The following PAG1 variants were observed in gnomAD, a reference collection of about 807,000 sequenced individuals.
PAG1 encodes the protein phosphoprotein membrane anchor with glycosphingolipid microdomains 1.
Under a neutral mutation model 31.7 loss-of-function variants are expected in PAG1, and 23 were observed. That is an observed-to-expected ratio of 0.73 (90% CI 0.52 to 1.03). PAG1 has a LOEUF of 1.03. PAG1 is among the 50% of genes least tolerant of loss of function. The pLI is 0.00. For synonymous variants in PAG1, 214 were observed against 210.3 expected (o/e 1.02, Z -0.15); for missense variants, 473 against 540.7 (o/e 0.87, Z 1.24).
intron 1 of PAG1, among the ~76,000 whole-genome samples, chr8:81,080,051 T>C (rs1809240872): frequency 6.6e-6 from 1 of 152,152 alleles, no homozygotes; most frequent in Non-Finnish European, 1.5e-5. Flanking sequence ...ATTACAGGCA[T>C]GAGCCACTGC....
intron 3 of PAG1, among the ~76,000 whole-genome samples, chr8:80,997,064 G>A (rs955723088): frequency 6.7e-6 from 1 of 149,928 alleles, no homozygotes; most frequent in Non-Finnish European, 1.5e-5. Flanking sequence ...ACATGGTTAT[G>A]GTCCACAAGG....
chr8:81,001,022 C>T (rs999845855), intron 3 of PAG1, among the ~76,000 whole-genome samples: 1 of 152,206 alleles, frequency 6.6e-6, no homozygotes, highest in Non-Finnish European at 1.5e-5. Context: ...GAAAAAGGAG[C>T]CTTAAACATT....
At chr8:80,986,171 G>C (rs899295685) in intron 6 of PAG1, among the ~76,000 whole-genome samples, 8 of 152,154 alleles carry the variant, frequency 5.3e-5, no homozygotes, top group African/African-American at 1.9e-4. Context: ...CTCACTCTGG[G>C]GGAATTAGAA....
At chr8:81,052,390 G>A (rs757961187) in intron 2 of PAG1, among the ~76,000 whole-genome samples, 38 of 147,514 alleles carry the variant, frequency 2.6e-4, no homozygotes, top group Non-Finnish European at 7.4e-5. Context: ...ACCACTGCAT[G>A]AGGCTAGTTG....
At chr8:81,044,457 T>C (rs1472442409) in intron 2 of PAG1, among the ~76,000 whole-genome samples, 1 of 152,198 alleles carries the variant, frequency 6.6e-6, no homozygotes, top group Non-Finnish European at 1.5e-5. Context: ...AAGGAATGCC[T>C]GAGGCTACCA....
chr8:81,071,290 A>G (rs897651519), intron 1 of PAG1, among the ~76,000 whole-genome samples: 1 of 152,186 alleles, frequency 6.6e-6, no homozygotes, highest in Non-Finnish European at 1.5e-5. Context: ...CCAAGAGAAA[A>G]GTGCAGTAGA....
At chr8:81,002,087 C>G (rs1807795695) in intron 3 of PAG1, among the ~76,000 whole-genome samples, 1 of 152,194 alleles carries the variant, frequency 6.6e-6, no homozygotes, top group African/African-American at 2.4e-5. Flanking sequence ...ACCAGCTTTG[C>G]TGTGATGGAT....
chr8:81,023,282 GAAATTTTTGAAATGAC>G (rs905012109), intron 3 of PAG1, among the ~76,000 whole-genome samples: 9 of 151,960 alleles, frequency 5.9e-5, no homozygotes, highest in African/African-American at 1.7e-4. Context: ...ACTTGTTTTT[GAAATTTTTGAAATGAC>G]AAATTTTTGA....
chr8:80,979,993 T>A (rs761511754), intron 8 of PAG1, among the ~76,000 whole-genome samples: 2 of 152,202 alleles, frequency 1.3e-5, no homozygotes, highest in Non-Finnish European at 2.9e-5. Flanking sequence ...GCTCTCAGCA[T>A]CCAAATTTCC....
chr8:80,998,893 A>G (rs1807735056), intron 3 of PAG1, among the ~76,000 whole-genome samples: 1 of 152,184 alleles, frequency 6.6e-6, no homozygotes, highest in Non-Finnish European at 1.5e-5. Context: ...TGGATGAAAT[A>G]TGGTCAAGGG....
intron 2 of PAG1, among the ~76,000 whole-genome samples, chr8:81,064,061 AT>A (rs1050011047): frequency 1.3e-5 from 2 of 152,204 alleles, no homozygotes; most frequent in Non-Finnish European, 2.9e-5. Flanking sequence ...AGAAGTCAAC[AT>A]GGTAGATTAG....
chr8:81,057,695 C>T (rs1808850203), intron 2 of PAG1, among the ~76,000 whole-genome samples: 2 of 152,046 alleles, frequency 1.3e-5, no homozygotes, highest in African/African-American at 4.8e-5. Flanking sequence ...TGCACATGTA[C>T]CCTAGGACTT....
At chr8:80,991,312 C>T (rs1469159064) in intron 5 of PAG1, among the ~76,000 whole-genome samples, 167 bp downstream of exon 5, 1 of 152,162 alleles carries the variant, frequency 6.6e-6, no homozygotes, top group Non-Finnish European at 1.5e-5. Context: ...AAGGATCATT[C>T]CGGCAGCAGC....
intron 2 of PAG1, among the ~76,000 whole-genome samples, chr8:81,041,964 C>A (rs77329642): frequency 0.022 from 3,275 of 152,252 alleles, 61 homozygotes; most frequent in South Asian, 0.1. Context: ...TGTTGGTGGT[C>A]CCCCAAAGGG....
intron 3 of PAG1, among the ~76,000 whole-genome samples, chr8:81,003,626 C>G (rs1029653035): frequency 6.6e-6 from 1 of 152,124 alleles, no homozygotes; most frequent in African/African-American, 2.4e-5. Flanking sequence ...TGGCCTGAAG[C>G]GAGTCCAAGC....
intron 7 of PAG1, among the ~76,000 whole-genome samples, chr8:80,982,882 T>A (rs1447018018): frequency 6.6e-6 from 1 of 152,228 alleles, no homozygotes; most frequent in Non-Finnish European, 1.5e-5. Flanking sequence ...GCCTCTTCCC[T>A]GATCCAGGCC....
At chr8:81,020,931 G>A (rs1054196480) in intron 3 of PAG1, among the ~76,000 whole-genome samples, 2 of 152,160 alleles carry the variant, frequency 1.3e-5, no homozygotes, top group East Asian at 1.9e-4. Flanking sequence ...AACCTGGTTC[G>A]ACCCTCTGAC....
In PAG1 at chr8:81,055,966, T is replaced by C. The variant is rs188997518; in HGVS notation, c.-175+14146A>G. 4.1e-4 allele frequency among the ~76,000 whole-genome samples: 63 copies of C among 152,252 alleles called. 1 individual carries two copies. The East Asian group carries it at 0.012, about 28-fold the overall frequency. On this transcript the variant is annotated intron_variant, in intron 2 of 8. Transcript: ENST00000220597. ...CCCTTTATTTCTTTCTTCTGCCTGA[T>C]TGCCCTGGCCAGAACTTCCAACACT...
chr8:81,045,056 T>C (rs760293943), intron 2 of PAG1, among the ~76,000 whole-genome samples: 4 of 152,192 alleles, frequency 2.6e-5, no homozygotes, highest in Non-Finnish European at 4.4e-5. Flanking sequence ...AGCAGAGCCA[T>C]TCAACATCTC....
Sources: allele counts gnomAD v4.1 joint callset (sites outside exome capture counted in the v4.1 genomes callset), GRCh38; gene constraint gnomAD v4.1.1; transcripts MANE v1.5; gene names NCBI Gene and HGNC (gene_info 2026-07-23, HGNC 2026-07-21).